Variants in ERCC3 observed in about 807,000 individuals in gnomAD.
The protein encoded by ERCC3 is general transcription and DNA repair factor IIH helicase/translocase subunit XPB.
A neutral mutation model predicts 94.2 loss-of-function variants in ERCC3; 66 were observed. The observed-to-expected ratio is 0.70, with a 90% confidence interval of 0.57 to 0.86. The LOEUF is 0.86. ERCC3 is among the 40% of genes least tolerant of loss of function. The pLI is 0.00. For synonymous variants in ERCC3, 349 were observed against 369.1 expected (o/e 0.95, Z 0.63); for missense variants, 829 against 987.1 (o/e 0.84, Z 2.15).
rs913814609 is a variant in ERCC3 at position 127,258,755 on chromosome 2, C to T, written c.2217+541G>A. 2.0e-5 allele frequency among the ~76,000 whole-genome samples: 3 copies of T among 152,212 alleles called. No homozygotes were observed. Among genetic ancestry groups the T allele is most frequent in the Admixed American group, 1.3e-4 (2 of 15,286 alleles). ...GACCATATATTTACTTGGCCTAGAG[C>T]AGGCATATTTGTAGAATAAATGAAA... On this transcript the variant is annotated intron_variant, in intron 14 of 14. Coordinates refer to ENST00000285398, the MANE Select transcript of ERCC3 (RefSeq NM_000122.2). This position sits in a 1 kb window ranked among gnomAD's most constrained non-coding sequence, Gnocchi z 4.1.
chr2:127,261,455 G>T (rs772460490), intron 12 of ERCC3, 109 bp from the exon 13 acceptor site: 30 of 799,614 alleles, frequency 3.8e-5, no homozygotes, highest in Non-Finnish European at 5.6e-5. Flanking sequence ...GAAAAGCCCT[G>T]CACTCGGGGT....
At chr2:127,289,624 C>A (rs1230876652) in intron 5 of ERCC3, 65 bp downstream of exon 5, 2 of 1,609,522 alleles carry the variant, frequency 1.2e-6, no homozygotes, top group Non-Finnish European at 1.7e-6. Context: ...GGGTTAAAGA[C>A]ACCTGAGAGA....
Position 127,268,082 on chromosome 2 carries a change from T to G in ERCC3, c.1945+3254A>C, listed in dbSNP as rs139619719. 1.5e-3 allele frequency among the ~76,000 whole-genome samples: 232 copies of G among 152,026 alleles called. 2 individuals are homozygous for G. Among genetic ancestry groups the G allele is most frequent in the African/African-American group, 5.3e-3 (220 of 41,482 alleles). On this transcript the variant is annotated intron_variant, in intron 12 of 14. Transcript: ENST00000285398. ...AATACTCCTGCCTCAGCCTCCTGAGTAGCTGAGATTATAGGCACCTGCCAC... is the reference window on the plus strand; with the variant it reads ...AATACTCCTGCCTCAGCCTCCTGAGGAGCTGAGATTATAGGCACCTGCCAC...
In ERCC3 at chr2:127,279,347, T is replaced by G. The variant is rs1558956850; in HGVS notation, c.1556A>C (p.Tyr519Ser). 6.2e-7 allele frequency: 1 copy of G among 1,614,102 alleles called. No homozygotes were observed. The highest frequency in any genetic ancestry group is 1.7e-5 in the Admixed American group (1 of 60,020). ...EVWCPMSPEF[Y>S]REYVAIKTKK... ...GGTTTTGATTGCCACATATTCCCGG[T>G]AAAATTCAGGAGACATAGGGCACCA... The change falls in exon 10 of 15, where the codon TAC becomes TCC. Residue 519 changes from tyrosine (Y) to serine (S), a missense_variant. By Grantham distance (144) the Tyr-to-Ser change is moderately radical (BLOSUM62 -2). Transcript: ENST00000285398. This position sits in a 1 kb window ranked among gnomAD's most constrained non-coding sequence, Gnocchi z 4.7.
At chr2:127,266,961 C>T (rs1470330339) in intron 12 of ERCC3, among the ~76,000 whole-genome samples, 1 of 152,214 alleles carries the variant, frequency 6.6e-6, no homozygotes, top group East Asian at 1.9e-4. Context: ...GGCAATCTGC[C>T]GGCCTCAGCC....
chr2:127,261,961 C>G (rs1224342539), intron 12 of ERCC3: 2 of 153,422 alleles, frequency 1.3e-5, no homozygotes, highest in Non-Finnish European at 2.9e-5. Context: ...ACCACATGAC[C>G]TGGCAATTCC....
At chr2:127,282,316 T>G (rs1684942573) in intron 8 of ERCC3, among the ~76,000 whole-genome samples, 1 of 152,216 alleles carries the variant, frequency 6.6e-6, no homozygotes, top group South Asian at 2.1e-4. Flanking sequence ...CATTATGTCA[T>G]GGTTGTCATT....
chr2:127,292,462 A>C, intron 3 of ERCC3, 148 bp downstream of exon 3: 1 of 760,220 alleles, frequency 1.3e-6, no homozygotes, highest in East Asian at 2.4e-5. Context: ...TCCAGAGTGT[A>C]GCGGCTGGGG....
chr2:127,271,934 C>T lies in ERCC3; in HGVS notation c.1828-481G>A, dbSNP rs1573940099. Among the ~76,000 whole-genome samples, 1 of 151,136 alleles carries T rather than the reference C, an allele frequency of 6.6e-6. No homozygotes were observed. Among genetic ancestry groups the T allele is most frequent in the Admixed American group, 6.6e-5 (1 of 15,158 alleles). The stretch of plus-strand genomic sequence containing the variant: ...TCCTCAGCTCTGGGGCTCCAAACAT[C>T]GAGGTTCCCAGCCACAGACATGAAG... On this transcript the variant is annotated intron_variant, in intron 11 of 14. Coordinates refer to ENST00000285398, the MANE Select transcript of ERCC3 (RefSeq NM_000122.2). The surrounding 1 kb of genome is among the most constrained non-coding windows in gnomAD (Gnocchi z 5.0).
rs1431272955 is a variant in ERCC3, at chr2:127,293,729, C to G, written c.29-11G>C. The G allele has an allele frequency of 1.9e-6, 3 of 1,610,166 alleles. No homozygotes were observed. In the South Asian group the frequency reaches 3.3e-5, roughly 18 times the overall value. On this transcript the variant is annotated splice_polypyrimidine_tract_variant and intron_variant, in intron 1 of 14. Transcript: ENST00000285398. ...TGGATTTCTTCTTGTCTGCAAGATACCAACACAGAAGTAAGCCCAGCAGGA... is the reference window on the plus strand; with the variant it reads ...TGGATTTCTTCTTGTCTGCAAGATAGCAACACAGAAGTAAGCCCAGCAGGA...
At chr2:127,292,366 A>G (rs1192384135) in intron 3 of ERCC3, 9 of 589,354 alleles carry the variant, frequency 1.5e-5, no homozygotes, top group Non-Finnish European at 2.5e-5. Flanking sequence ...GCTCATGAGA[A>G]GCGTGGCCTC....
Position 127,286,677 on chromosome 2 carries a change from G to A in ERCC3, c.1342+26C>T, listed in dbSNP as rs746729147. 3.5e-5 allele frequency: 56 copies of A among 1,608,920 alleles called. No homozygotes were observed. In the Middle Eastern group the frequency reaches 6.7e-4, roughly 19 times the overall value. ...AAATTGGTTTGTCTGTTCAGCAAGTGGACAGCTCAGCTCCAGCCTGCTTAC... is the reference window on the plus strand; with the variant it reads ...AAATTGGTTTGTCTGTTCAGCAAGTAGACAGCTCAGCTCCAGCCTGCTTAC... On this transcript the variant is annotated intron_variant, in intron 8 of 14. Coordinates refer to ENST00000285398, the MANE Select transcript of ERCC3 (RefSeq NM_000122.2).
At chr2:127,275,118 G>A (rs758974759) in intron 10 of ERCC3, among the ~76,000 whole-genome samples, 1 of 152,180 alleles carries the variant, frequency 6.6e-6, no homozygotes, top group Non-Finnish European at 1.5e-5. Context: ...CCTTTCTTAT[G>A]AAGGCTGGGA....
intron 12 of ERCC3, among the ~76,000 whole-genome samples, chr2:127,267,456 A>AT (rs34690528): frequency 0.038 from 5,614 of 148,216 alleles, 138 homozygotes; most frequent in Middle Eastern, 0.062. Flanking sequence ...TGTGTGATAG[A>AT]TTTTTTTCCC....
Position 127,279,511 on chromosome 2 carries a change from C to T in ERCC3, c.1528-136G>A. 1.3e-6 allele frequency: 1 copy of T among 743,108 alleles called. No individual in the cohort carries two copies. The highest frequency in any genetic ancestry group is 1.5e-5 in the South Asian group (1 of 67,536). 46.0% of individuals were successfully genotyped at this position (743,108 alleles called of 1,614,324 possible). ...GTGCAGTGGCTCATGCCTGTAATGCCAGCAGTTTGGGAGGCTGAGGCAGGC... is the reference window on the plus strand; with the variant it reads ...GTGCAGTGGCTCATGCCTGTAATGCTAGCAGTTTGGGAGGCTGAGGCAGGC... On this transcript the variant is annotated intron_variant, in intron 9 of 14. Transcript: ENST00000285398. The surrounding 1 kb of genome is among the most constrained non-coding windows in gnomAD (Gnocchi z 4.7).
chr2:127,294,123 G>C lies in ERCC3; in HGVS notation c.-42C>G, dbSNP rs949327276. 13 of 1,597,186 alleles carry C rather than the reference G, an allele frequency of 8.1e-6. No individual in the cohort carries two copies. Among genetic ancestry groups the C allele is most frequent in the Non-Finnish European group, 1.0e-5 (12 of 1,175,964 alleles). ...GAGAGAAGATGACCCCGCTCCCACA[G>C]GCCCGCCGCGGCATCCGCTCTGGGG... On this transcript the variant is annotated 5_prime_UTR_variant, in exon 1 of 15. Coordinates refer to ENST00000285398, the MANE Select transcript of ERCC3 (RefSeq NM_000122.2).
intron 4 of ERCC3, 180 bp from the exon 5 acceptor site, chr2:127,290,004 G>T: frequency 1.2e-6 from 1 of 838,308 alleles, no homozygotes; most frequent in Non-Finnish European, 1.9e-6. Context: ...TGACTTTGAG[G>T]TCAAGTAGGC....
intron 8 of ERCC3, among the ~76,000 whole-genome samples, chr2:127,283,106 T>C (rs972364298): frequency 7.7e-6 from 1 of 130,078 alleles, no homozygotes; most frequent in African/African-American, 2.9e-5. Context: ...TTTTGAGTTT[T>C]TAAATTCTCA....
chr2:127,276,156 C>T lies in ERCC3; in HGVS notation c.1730+3017G>A, dbSNP rs4150473. ...CAAGCCCTCCTCTTCCCCTAACACA[C>T]GGTGGTGCCCAGGGGACTGAAAAAT... On this transcript the variant is annotated intron_variant, in intron 10 of 14. Coordinates refer to ENST00000285398, the MANE Select transcript of ERCC3 (RefSeq NM_000122.2). Among the ~76,000 whole-genome samples, 551 of 152,304 alleles carry T rather than the reference C, an allele frequency of 3.6e-3. 4 individuals are homozygous for T. The highest frequency in any genetic ancestry group is 0.012 in the African/African-American group (493 of 41,576).
Sources: allele counts gnomAD v4.1 joint callset (sites outside exome capture counted in the v4.1 genomes callset), GRCh38; gene constraint gnomAD v4.1.1; non-coding constraint Gnocchi (gnomAD v3.1); transcripts MANE v1.5; gene names NCBI Gene and HGNC (gene_info 2026-07-23, HGNC 2026-07-21).